The following MAST3 variants were observed in gnomAD, a reference collection of about 807,000 sequenced individuals.
MAST3 encodes the protein microtubule-associated serine/threonine-protein kinase 3.
MAST3 carries 43 observed loss-of-function variants against 127.0 expected under a neutral mutation model. That is an observed-to-expected ratio of 0.34 (90% CI 0.27 to 0.44). MAST3 has a LOEUF of 0.44. Among genes scored for constraint, MAST3 ranks in the 20% least tolerant of loss-of-function variants. The pLI is 1.00. For missense variants in MAST3, 1,390 were observed against 1,919.1 expected, an observed-to-expected ratio of 0.72 and a Z score of 5.15; for synonymous variants, 785 against 809.2, an observed-to-expected ratio of 0.97 and a Z score of 0.51.
At chr19:18,105,364 T>TAAACAAAC (rs947000133) in intron 1 of MAST3, among the ~76,000 whole-genome samples, 7 of 151,610 alleles carry the variant, frequency 4.6e-5, no homozygotes, top group South Asian at 4.2e-4. Flanking sequence ...AGACTCCATC[T>TAAACAAAC]AAACAAACAA....
At chr19:18,135,717 T>C (rs1419285059) in intron 17 of MAST3, 23 bp from the exon 18 acceptor site, 4 of 1,577,552 alleles carry the variant, frequency 2.5e-6, no homozygotes, top group Non-Finnish European at 3.5e-6. Context: ...CCTCCCTCAT[T>C]TTACCTCCCT....
In MAST3 at chr19:18,144,357, C is replaced by T; in HGVS notation, c.2585-109C>T. 1 of 962,110 alleles carries T rather than the reference C, an allele frequency of 1.0e-6. No homozygotes were observed. The highest frequency in any genetic ancestry group is 1.5e-5 in the South Asian group (1 of 68,004). 59.6% of individuals were successfully genotyped at this position (962,110 alleles called of 1,614,324 possible). The stretch of plus-strand genomic sequence containing the variant: ...AAGAGGGAACTGCATGAGCAAAGGC[C>T]AGGAGGCTGGACTGTGTAAATAGTG... On this transcript the variant is annotated intron_variant, in intron 22 of 27. Coordinates refer to ENST00000687212, the MANE Select transcript of MAST3 (RefSeq NM_001393504.1). The surrounding 1 kb of genome is among the most constrained non-coding windows in gnomAD (Gnocchi z 4.0).
Position 18,130,670 on chromosome 19 carries a change from G to C in MAST3, c.1400G>C (p.Arg467Pro). The change falls in exon 14 of 28, where the codon CGC becomes CCC. Residue 467 changes from arginine to proline, a missense_variant. Transcript: ENST00000687212. ...ATGTTCTGCTCCTTTGAGACCCGGC[G>C]CCACCTATGTATGGTCATGGAATAC... The part of the protein sequence containing the change: ...VSMFCSFETR[R>P]HLCMVMEYVE... 3 of 1,613,996 alleles carry C rather than the reference G, an allele frequency of 1.9e-6. No homozygotes were observed. Among genetic ancestry groups the C allele is most frequent in the Non-Finnish European group, 2.5e-6 (3 of 1,179,942 alleles).
At chr19:18,129,027 T>TCC in intron 13 of MAST3, 76 bp downstream of exon 13, 5 of 1,269,766 alleles carry the variant, frequency 3.9e-6, no homozygotes, top group Non-Finnish European at 5.7e-6. Flanking sequence ...AGCTCCTGCA[T>TCC]CCCCCTCCTA....
At chr19:18,117,037 G>A (rs12459300) in intron 3 of MAST3, among the ~76,000 whole-genome samples, 16,699 of 151,260 alleles carry the variant, frequency 0.11, 1,170 homozygotes, top group East Asian at 0.16. Flanking sequence ...CCCCTGACTT[G>A]CCTGGGCTGT....
At position 18,144,127 on chromosome 19, in the gene MAST3, A is replaced by G. The variant is rs141402913; in HGVS notation, c.2584+120A>G. Reference sequence around the variant, plus strand: ...CCAGAGCCAACAAAGGCTTTAAGAGAGGAGAAGCCAGGGTCCCAGAGAGAC... The same window carrying G: ...CCAGAGCCAACAAAGGCTTTAAGAGGGGAGAAGCCAGGGTCCCAGAGAGAC... On this transcript the variant is annotated intron_variant, in intron 22 of 27. Transcript: ENST00000687212. The surrounding 1 kb of genome is among the most constrained non-coding windows in gnomAD (Gnocchi z 4.0). The G allele has an allele frequency of 2.2e-3, 3,046 of 1,359,546 alleles. 60 individuals carry two copies. In the East Asian group the frequency reaches 0.051, roughly 23 times the overall value. 84.2% of individuals were successfully genotyped at this position (1,359,546 alleles called of 1,614,324 possible).
intron 17 of MAST3, 39 bp from the exon 18 acceptor site, chr19:18,135,701 T>C (rs1261438473): frequency 6.8e-7 from 1 of 1,467,648 alleles, no homozygotes; most frequent in Admixed American, 1.9e-5. Context: ...CCCTGCCTTC[T>C]CCCTCCCTCC....
rs1449827629 is a variant in MAST3 at position 18,141,931 on chromosome 19, C to T, written c.2255C>T (p.Ala752Val). 1 of 1,555,656 alleles carries T rather than the reference C, an allele frequency of 6.4e-7. No individual in the cohort carries two copies. The highest frequency in any genetic ancestry group is 8.7e-7 in the Non-Finnish European group (1 of 1,148,960). ...FLAVQPTPTF[A>V]ERSFSEDREE... Reference sequence around the variant, plus strand: ...GCCGTCCAGCCCACTCCTACCTTCGCTGAAAGGAGCTTCAGTGAAGACCGG... The same window carrying T: ...GCCGTCCAGCCCACTCCTACCTTCGTTGAAAGGAGCTTCAGTGAAGACCGG... The change falls in exon 21 of 28, where the codon GCT becomes GTT. Residue 752 changes from alanine (A) to valine (V), a missense_variant. Physicochemically the swap from Ala to Val is moderately conservative, Grantham distance 64 (BLOSUM62 0). Around this residue, in one of 5 missense-constraint regions of MAST3, gnomAD observed 816 missense variants for 934.1 expected, o/e 0.87. Transcript: ENST00000687212.
intron 27 of MAST3, among the ~76,000 whole-genome samples, chr19:18,148,072 C>G (rs2043211762): frequency 6.6e-6 from 1 of 152,056 alleles, no homozygotes; most frequent in Non-Finnish European, 1.5e-5. Flanking sequence ...GAGGCCGAGG[C>G]AGGTGGATCA....
chr19:18,136,456 C>T (rs900500501), intron 18 of MAST3, among the ~76,000 whole-genome samples: 26 of 152,206 alleles, frequency 1.7e-4, no homozygotes, highest in Admixed American at 2.0e-4. Flanking sequence ...CACTCTGTCA[C>T]TCAGGCTGGA....
At chr19:18,136,356 G>C (rs149934903) in intron 18 of MAST3, among the ~76,000 whole-genome samples, 2 of 152,254 alleles carry the variant, frequency 1.3e-5, no homozygotes, top group African/African-American at 4.8e-5. Flanking sequence ...TTCTCTAGGC[G>C]GTGTGGTCCC....
At chr19:18,127,951 GGTGT>G (rs2040844343) in intron 11 of MAST3, among the ~76,000 whole-genome samples, 6 of 152,204 alleles carry the variant, frequency 3.9e-5, no homozygotes, top group Admixed American at 3.9e-4. Flanking sequence ...ATCAAACCCA[GGTGT>G]ACCTAAGGCC....
At chr19:18,098,489 C>T (rs1599627151) in intron 1 of MAST3, among the ~76,000 whole-genome samples, 1 of 151,928 alleles carries the variant, frequency 6.6e-6, no homozygotes, top group Non-Finnish European at 1.5e-5. Context: ...CCATAGGGTC[C>T]TCCTTTTACT....
intron 1 of MAST3, among the ~76,000 whole-genome samples, chr19:18,101,035 G>A (rs1304542999): frequency 1.3e-5 from 2 of 152,228 alleles, no homozygotes; most frequent in South Asian, 2.1e-4. Context: ...CAGGGAGGAG[G>A]TGGAGACCTT....
chr19:18,103,538 A>AAAAC (rs939809361), intron 1 of MAST3, among the ~76,000 whole-genome samples: 3 of 152,066 alleles, frequency 2.0e-5, no homozygotes, highest in Admixed American at 6.5e-5. Context: ...TCTCCATCTG[A>AAAAC]AAACAAACAA....
chr19:18,133,549 A>ATTTTTTT (rs3048882), intron 15 of MAST3, among the ~76,000 whole-genome samples: 2 of 91,846 alleles, frequency 2.2e-5, no homozygotes, highest in African/African-American at 4.6e-5. Flanking sequence ...CGCCCAGCTA[A>ATTTTTTT]TTTTTTTTTT....
intron 27 of MAST3, among the ~76,000 whole-genome samples, chr19:18,148,244 T>C (rs1212149046): frequency 6.6e-6 from 1 of 151,176 alleles, no homozygotes; most frequent in Non-Finnish European, 1.5e-5. Context: ...GAGGTTGCGG[T>C]GAGCCGAGAT....
rs1467771073 is a variant in MAST3 at position 18,144,640 on chromosome 19, G to T, written c.2759G>T (p.Gly920Val). Residue 920 changes from glycine (G) to valine (V), a missense_variant, in exon 23 of 28, where the codon GGC (glycine) becomes GTC (valine). Physicochemically the swap from Gly to Val is moderately radical, Grantham distance 109. Around this residue, in one of 5 missense-constraint regions of MAST3, gnomAD observed 816 missense variants for 934.1 expected, o/e 0.87. Transcript: ENST00000687212. This position sits in a 1 kb window ranked among gnomAD's most constrained non-coding sequence, Gnocchi z 4.0. ...SSGGSGGGSG[G>V]RVPKSASVSA... Reference sequence around the variant, plus strand: ...GGTGGCAGTGGTGGCGGCAGTGGGGGCCGCGTGCCCAAGTCAGCCTCTGTC... The same window carrying T: ...GGTGGCAGTGGTGGCGGCAGTGGGGTCCGCGTGCCCAAGTCAGCCTCTGTC... The T allele has an allele frequency of 1.9e-6, 3 of 1,611,154 alleles. No individual in the cohort carries two copies. Among genetic ancestry groups the T allele is most frequent in the South Asian group, 1.1e-5 (1 of 91,076 alleles).
In MAST3 at chr19:18,149,417, G is replaced by C; in HGVS notation, c.3735G>C (p.Gly1245=). 6.8e-7 allele frequency: 1 copy of C among 1,463,450 alleles called. No individual in the cohort carries two copies. The highest frequency in any genetic ancestry group is 9.0e-7 in the Non-Finnish European group (1 of 1,116,132). The allele number at this position is 1,463,450 out of a possible 1,614,324, so 90.7% of individuals were successfully genotyped here. Residue 1245 remains glycine (G), a synonymous_variant, in exon 28 of 28, where the codon GGG becomes GGC. Transcript: ENST00000687212. The surrounding 1 kb of genome is among the most constrained non-coding windows in gnomAD (Gnocchi z 5.9). ...PPPRSPSPLP[G]HPPAPARSPR... The stretch of plus-strand genomic sequence containing the variant: ...CCCGCTCGCCCTCGCCCCTGCCCGG[G>C]CACCCGCCCGCACCTGCCCGATCCC...
Sources: allele counts gnomAD v4.1 joint callset (sites outside exome capture counted in the v4.1 genomes callset), GRCh38; gene constraint gnomAD v4.1.1; regional missense constraint gnomAD v4.1.1; non-coding constraint Gnocchi (gnomAD v3.1); transcripts MANE v1.5; gene names NCBI Gene and HGNC (gene_info 2026-07-23, HGNC 2026-07-21).